The following KHDRBS2 variants were observed in gnomAD, a reference collection of about 807,000 sequenced individuals.
The protein encoded by KHDRBS2 is KH domain-containing, RNA-binding, signal transduction-associated protein 2.
In KHDRBS2, 26 loss-of-function variants were observed where a neutral mutation model predicts 44.3. The observed-to-expected ratio is 0.59, with a 90% CI of 0.43 to 0.81. KHDRBS2 has a LOEUF of 0.81. Among genes scored for constraint, KHDRBS2 ranks in the 40% least tolerant of loss-of-function variants. The pLI is 0.00. For synonymous variants in KHDRBS2, 194 were observed against 151.1 expected, an observed-to-expected ratio of 1.28 and a Z score of -2.08; for missense variants, 476 against 433.1, an observed-to-expected ratio of 1.10 and a Z score of -0.88.
chr6:62,281,537 T>C (rs1244527109), intron 1 of KHDRBS2, among the ~76,000 whole-genome samples: 1 of 152,084 alleles, frequency 6.6e-6, no homozygotes, highest in East Asian at 1.9e-4. Context: ...GGAGAATTGC[T>C]TGAACCCAGG....
At chr6:62,065,306 T>C (rs1472175322) in intron 2 of KHDRBS2, among the ~76,000 whole-genome samples, 1 of 152,016 alleles carries the variant, frequency 6.6e-6, no homozygotes, top group African/African-American at 2.4e-5. Flanking sequence ...TGACTATAAA[T>C]CATGCTGCTA....
the KHDRBS2 span, among the ~76,000 whole-genome samples, chr6:61,561,880 C>T: frequency 1.2e-4 from 18 of 152,136 alleles, no homozygotes; most frequent in Non-Finnish European, 2.4e-4. Context: ...CTCCCCACTC[C>T]CAACAGCCTA....
chr6:61,784,903 C>G (rs186007380), intron 6 of KHDRBS2, among the ~76,000 whole-genome samples: 1 of 152,202 alleles, frequency 6.6e-6, no homozygotes, highest in Non-Finnish European at 1.5e-5. Context: ...AATACTAGCA[C>G]TTTGGGAAGC....
chr6:61,723,609 T>G (rs766756242), intron 7 of KHDRBS2, among the ~76,000 whole-genome samples: 1 of 151,288 alleles, frequency 6.6e-6, no homozygotes, highest in African/African-American at 2.4e-5. Context: ...ATAGGCAGAA[T>G]AGCCAGTTTA....
chr6:61,626,303 C>T, the KHDRBS2 span, among the ~76,000 whole-genome samples: 3 of 152,150 alleles, frequency 2.0e-5, no homozygotes, highest in Non-Finnish European at 2.9e-5. Context: ...GAGGTAGATA[C>T]ATGTGAGTAT....
the KHDRBS2 span, chr6:61,574,231 G>GCTCT: frequency 2.4e-6 from 2 of 819,078 alleles, no homozygotes; most frequent in African/African-American, 3.4e-5. Flanking sequence ...CAGTATTAGA[G>GCTCT]GCACCGCCTG....
At chr6:62,126,762 G>A (rs1809072105) in intron 2 of KHDRBS2, among the ~76,000 whole-genome samples, 1 of 152,188 alleles carries the variant, frequency 6.6e-6, no homozygotes, top group African/African-American at 2.4e-5. Flanking sequence ...CATAAAGCTA[G>A]ACAGATCTCT....
At chr6:61,968,870 C>T (rs1770701550) in intron 4 of KHDRBS2, among the ~76,000 whole-genome samples, 1 of 151,888 alleles carries the variant, frequency 6.6e-6, no homozygotes, top group Non-Finnish European at 1.5e-5. Flanking sequence ...TTAGATTCCA[C>T]CTGTGGTTTT....
chr6:62,182,427 C>A (rs1310343012), intron 1 of KHDRBS2, among the ~76,000 whole-genome samples: 1 of 151,898 alleles, frequency 6.6e-6, no homozygotes, highest in Admixed American at 6.6e-5. Context: ...GTATTGTTGG[C>A]TTAAAAATTT....
intron 6 of KHDRBS2, among the ~76,000 whole-genome samples, chr6:61,877,578 C>A (rs1184964285): frequency 1.3e-5 from 2 of 151,592 alleles, no homozygotes; most frequent in East Asian, 3.9e-4. Flanking sequence ...AGAGGCTCTG[C>A]AAACAAAGAA....
intron 6 of KHDRBS2, among the ~76,000 whole-genome samples, chr6:61,803,487 G>A (rs568200549): frequency 3.9e-5 from 6 of 152,154 alleles, no homozygotes; most frequent in East Asian, 1.9e-4. Context: ...TAAATTGTAC[G>A]TACTATATGC....
At chr6:62,212,199 T>C (rs1292788288) in intron 1 of KHDRBS2, among the ~76,000 whole-genome samples, 1 of 152,154 alleles carries the variant, frequency 6.6e-6, no homozygotes, top group Non-Finnish European at 1.5e-5. Flanking sequence ...CTCCTATATA[T>C]GTTACATATA....
At chr6:61,683,036 G>A (rs977163105) in intron 8 of KHDRBS2, among the ~76,000 whole-genome samples, 8 of 151,698 alleles carry the variant, frequency 5.3e-5, no homozygotes, top group Non-Finnish European at 1.2e-4. Flanking sequence ...ACTACTTTTT[G>A]CTCCAATTAT....
intron 3 of KHDRBS2, among the ~76,000 whole-genome samples, chr6:62,031,702 G>A (rs1363176665): frequency 1.3e-5 from 2 of 152,088 alleles, no homozygotes; most frequent in Non-Finnish European, 2.9e-5. Context: ...TTGAGTGTCA[G>A]CTCAGCCACA....
intron 7 of KHDRBS2, among the ~76,000 whole-genome samples, chr6:61,708,304 A>G (rs1337470873): frequency 2.6e-5 from 4 of 151,654 alleles, no homozygotes; most frequent in Admixed American, 1.3e-4. Context: ...AAGCAGAAAT[A>G]TCTCAACAAT....
At chr6:61,544,099 A>G in the KHDRBS2 span, among the ~76,000 whole-genome samples, 6 of 152,104 alleles carry the variant, frequency 3.9e-5, no homozygotes. Flanking sequence ...AAAAATAACT[A>G]AAAGAATATA....
In KHDRBS2 at chr6:62,196,856, A is replaced by G. The variant is rs555433096; in HGVS notation, c.92-19544T>C. Reference sequence around the variant, plus strand: ...CTCGACATGCTCACACCTGGGCCCTATGAAACTCCTTGCCTTATGGTGTGT... The same window carrying G: ...CTCGACATGCTCACACCTGGGCCCTGTGAAACTCCTTGCCTTATGGTGTGT... On this transcript the variant is annotated intron_variant, in intron 1 of 8. Coordinates refer to ENST00000281156, the MANE Select transcript of KHDRBS2 (RefSeq NM_152688.4). Among the ~76,000 whole-genome samples, 285 of 152,142 alleles carry G rather than the reference A, an allele frequency of 1.9e-3. 1 individual carries two copies. Among genetic ancestry groups the G allele is most frequent in the Non-Finnish European group, 3.5e-3 (240 of 67,980 alleles).
rs138632157 is a variant in KHDRBS2, at chr6:62,035,116, T to C, written c.336+12762A>G. ...AACAAGTAAAAATAGAGCTACTACATGATTCAGCAATCCCACTGCTGGGTA... is the reference window on the plus strand; with the variant it reads ...AACAAGTAAAAATAGAGCTACTACACGATTCAGCAATCCCACTGCTGGGTA... On this transcript the variant is annotated intron_variant, in intron 3 of 8. Transcript: ENST00000281156. 5.2e-3 allele frequency among the ~76,000 whole-genome samples: 786 copies of C among 152,114 alleles called. 7 individuals are homozygous for C. Among genetic ancestry groups the C allele is most frequent in the African/African-American group, 0.018 (746 of 41,546 alleles).
At chr6:61,627,133 G>A in the KHDRBS2 span, among the ~76,000 whole-genome samples, 2 of 150,858 alleles carry the variant, frequency 1.3e-5, no homozygotes, top group African/African-American at 2.4e-5. Flanking sequence ...GGCGCCTGTA[G>A]TCCCAGCTAC....
Sources: gnomAD v4.1 joint callset for allele counts (sites outside exome capture counted in the v4.1 genomes callset) on GRCh38, gnomAD v4.1.1 for gene constraint, MANE v1.5 for transcripts, NCBI Gene and HGNC (gene_info 2026-07-23, HGNC 2026-07-21) for gene names.